DENND2A: variants seen among roughly 807,000 people sequenced by gnomAD.
DENND2A encodes DENN domain-containing protein 2A.
Under a neutral mutation model 105.3 loss-of-function variants are expected in DENND2A, and 53 were observed. That is an observed-to-expected ratio of 0.50 (90% CI 0.40 to 0.63). The LOEUF (loss-of-function observed/expected upper bound fraction) is 0.63. Among genes scored for constraint, DENND2A ranks in the 30% least tolerant of loss-of-function variants. The probability of loss-of-function intolerance (pLI) is 0.00; values close to 1 mark genes in which losing one functional copy is unlikely to be tolerated. For synonymous variants in DENND2A, 522 were observed against 508.4 expected, an observed-to-expected ratio of 1.03 and a Z score of -0.36; for missense variants, 1,138 against 1,279.6, an observed-to-expected ratio of 0.89 and a Z score of 1.69.
At chr7:140,520,000 A>G (rs897295180) in intron 18 of DENND2A, among the ~76,000 whole-genome samples, 15 of 152,178 alleles carry the variant, frequency 9.9e-5, no homozygotes, top group African/African-American at 2.9e-4. Context: ...CCAGGCGGGC[A>G]GTTTTAAAGA....
Position 140,544,610 on chromosome 7 carries a change from G to A in DENND2A, c.2327+8C>T, listed in dbSNP as rs772667915. On this transcript the variant is annotated splice_region_variant and intron_variant, in intron 14 of 19. Coordinates refer to ENST00000496613, the MANE Select transcript of DENND2A (RefSeq NM_015689.5). Reference sequence around the variant, plus strand: ...AAACGCTTTAGCAGAAGTAGCCAAGGCGGGTACCTGAGCTTGTCTGCAATG... The same window carrying A: ...AAACGCTTTAGCAGAAGTAGCCAAGACGGGTACCTGAGCTTGTCTGCAATG... 1 of 1,614,176 alleles carries A rather than the reference G, an allele frequency of 6.2e-7. No homozygotes were observed.
At chr7:140,560,073 A>G (rs1001814137) in intron 9 of DENND2A, among the ~76,000 whole-genome samples, 1 of 152,160 alleles carries the variant, frequency 6.6e-6, no homozygotes, top group African/African-American at 2.4e-5. Context: ...TTGACATTCT[A>G]GAATGTAACT....
Position 140,601,899 on chromosome 7 carries a change from C to A in DENND2A, c.499G>T (p.Glu167Ter), listed in dbSNP as rs543622908. Residue 167 changes from glutamate to a stop codon, truncating the protein, a stop_gained, in exon 3 of 20, where the codon GAG becomes TAG. Coordinates refer to ENST00000496613, the MANE Select transcript of DENND2A (RefSeq NM_015689.5). LOFTEE classifies it high-confidence loss of function. ...LSVLKQVKKLEQALKDGSAGL... is the reference protein window; with the variant it reads ...LSVLKQVKKL ...GCCGACCCATCCTTCAAAGCCTGCT[C>A]GAGTTTCTTGACCTGCTTCAGCACG... is the stretch of plus-strand genomic sequence containing the variant. 6.2e-7 allele frequency: 1 copy of A among 1,614,152 alleles called. No individual in the cohort carries two copies. The highest frequency in any genetic ancestry group is 8.5e-7 in the Non-Finnish European group (1 of 1,180,034).
intron 14 of DENND2A, among the ~76,000 whole-genome samples, chr7:140,537,603 A>G (rs1389892689): frequency 6.6e-6 from 1 of 152,144 alleles, no homozygotes; most frequent in Non-Finnish European, 1.5e-5. Flanking sequence ...CAGCATGCCC[A>G]GCTCATAAAT....
chr7:140,612,204 G>A (rs1480257566), intron 1 of DENND2A, among the ~76,000 whole-genome samples: 2 of 150,404 alleles, frequency 1.3e-5, no homozygotes, highest in African/African-American at 2.5e-5. Flanking sequence ...TTGCCCCATC[G>A]CACTCCAGCC....
chr7:140,580,774 C>T (rs1229928901), intron 5 of DENND2A, among the ~76,000 whole-genome samples: 1 of 151,870 alleles, frequency 6.6e-6, no homozygotes, highest in Non-Finnish European at 1.5e-5. Flanking sequence ...GTAGCTGGGA[C>T]TACAGGCGAG....
chr7:140,607,246 C>T (rs181462646), intron 1 of DENND2A, among the ~76,000 whole-genome samples: 24 of 152,222 alleles, frequency 1.6e-4, no homozygotes, highest in Admixed American at 8.5e-4. Flanking sequence ...CCCGAGTAAT[C>T]AAAGGGCAGA....
At chr7:140,573,456 G>GCGGGTGT (rs2130610898) in intron 6 of DENND2A, among the ~76,000 whole-genome samples, 1 of 152,368 alleles carries the variant, frequency 6.6e-6, no homozygotes, top group Non-Finnish European at 1.5e-5. Flanking sequence ...TGCCTCTGCA[G>GCGGGTGT]CGGGTGTCGA....
At chr7:140,564,797 G>A (rs921565913) in intron 9 of DENND2A, among the ~76,000 whole-genome samples, 2 of 152,178 alleles carry the variant, frequency 1.3e-5, no homozygotes, top group Non-Finnish European at 2.9e-5. Context: ...ATTAAGCATT[G>A]CCACGTGAAC....
chr7:140,533,957 A>C (rs986491060), intron 14 of DENND2A, among the ~76,000 whole-genome samples: 2 of 152,084 alleles, frequency 1.3e-5, no homozygotes, highest in African/African-American at 4.8e-5. Context: ...TCTGTCGCCC[A>C]GACTGGAGTG....
In DENND2A at chr7:140,544,738, G is replaced by C. The variant is rs753667814; in HGVS notation, c.2207C>G (p.Ser736Cys). The change falls in exon 14 of 20, where the codon TCC (serine) becomes TGC (cysteine). Residue 736 changes from serine (S) to cysteine (C), a missense_variant. Ser to Cys is a moderately radical substitution (Grantham distance 112). This residue lies in a region of DENND2A where 627 missense variants were observed against 779.8 expected (regional missense o/e 0.80). Transcript: ENST00000496613. ...EVIELCRPLD[S>C]RLEHVDFESL... ...CTCAAAGTCCACGTGCTCGAGCCGG[G>C]AGTCCAGCGGGCGGCACAGTTCGAT... 1.3e-6 allele frequency: 2 copies of C among 1,598,118 alleles called. No homozygotes were observed. Among genetic ancestry groups the C allele is most frequent in the Non-Finnish European group, 1.7e-6 (2 of 1,172,538 alleles).
At position 140,523,397 on chromosome 7, in the gene DENND2A, G is replaced by A. The variant is rs201046984; in HGVS notation, c.2575C>T (p.Arg859Trp). 35 of 1,614,016 alleles carry A rather than the reference G, an allele frequency of 2.2e-5. No homozygotes were observed. Among genetic ancestry groups the A allele is most frequent in the Admixed American group, 1.3e-4 (8 of 59,984 alleles). Residue 859 changes from arginine (R) to tryptophan (W), a missense_variant, in exon 17 of 20, where the codon CGG (arginine) becomes TGG (tryptophan). By Grantham distance (101) the Arg-to-Trp change is moderately radical. This residue lies in a region of DENND2A where 627 missense variants were observed against 779.8 expected (regional missense o/e 0.80). Transcript: ENST00000496613. The surrounding 1 kb of genome is among the most constrained non-coding windows in gnomAD (Gnocchi z 4.5). ...QMDDEDSILP[R>W]KLQVALEHIL... ...TGTTCCAGGGCCACCTGAAGCTTCC[G>A]GGGCAGGATGGAGTCCTCATCGTCC...
chr7:140,634,102 C>G (rs1050361163), intron 1 of DENND2A, among the ~76,000 whole-genome samples: 3 of 151,786 alleles, frequency 2.0e-5, no homozygotes, highest in Non-Finnish European at 4.4e-5. Flanking sequence ...GGGTTCACAC[C>G]ATTGTCCTGC....
chr7:140,536,140 G>T (rs375957286), intron 14 of DENND2A, among the ~76,000 whole-genome samples: 164 of 152,166 alleles, frequency 1.1e-3, no homozygotes, highest in South Asian at 6.9e-3. Context: ...ATCACTTGAG[G>T]TCAGGAGTTT....
At chr7:140,530,411 C>T (rs747744699) in intron 14 of DENND2A, among the ~76,000 whole-genome samples, 24 of 152,136 alleles carry the variant, frequency 1.6e-4, no homozygotes, top group Non-Finnish European at 3.4e-4. Context: ...TCTTAACCTT[C>T]CTGTTCTCTG....
intron 1 of DENND2A, among the ~76,000 whole-genome samples, chr7:140,627,646 C>T (rs1800583117): frequency 1.3e-5 from 2 of 152,024 alleles, no homozygotes; most frequent in African/African-American, 2.4e-5. Context: ...CTCAGCCTCC[C>T]AATTAGCTGG....
At position 140,626,131 on chromosome 7, in the gene DENND2A, C is replaced by T. The variant is rs187368333; in HGVS notation, c.-248+14373G>A. ...CCAGGGTCCAGGTGCCTAACGCCTA[C>T]AGGTCCACCTTGACGGCACCGTACG... On this transcript the variant is annotated intron_variant, in intron 1 of 19. Transcript: ENST00000496613. 1.2e-4 allele frequency among the ~76,000 whole-genome samples: 19 copies of T among 152,356 alleles called. 1 individual carries two copies. Among genetic ancestry groups the T allele is most frequent in the East Asian group, 1.2e-3 (6 of 5,192 alleles).
chr7:140,639,642 G>A (rs771851674), intron 1 of DENND2A, among the ~76,000 whole-genome samples: 4 of 152,198 alleles, frequency 2.6e-5, no homozygotes, highest in Non-Finnish European at 5.9e-5. Context: ...ACTGTAGCAC[G>A]CCTATTACAA....
chr7:140,548,602 T>G (rs986159657), intron 12 of DENND2A, among the ~76,000 whole-genome samples: 1 of 150,946 alleles, frequency 6.6e-6, no homozygotes, highest in Admixed American at 6.7e-5. Context: ...AATTCAGAGG[T>G]TTTTTTACTT....
Sources: gnomAD v4.1 joint callset for allele counts (sites outside exome capture counted in the v4.1 genomes callset) on GRCh38, gnomAD v4.1.1 for gene constraint, gnomAD v4.1.1 regional missense constraint, Gnocchi (gnomAD v3.1) non-coding constraint, MANE v1.5 for transcripts, NCBI Gene and HGNC (gene_info 2026-07-23, HGNC 2026-07-21) for gene names.